The following ITGA1 variants were observed in gnomAD, a reference collection of about 807,000 sequenced individuals.
ITGA1 encodes the protein integrin subunit alpha 1.
A neutral mutation model predicts 145.9 loss-of-function variants in ITGA1; 85 were observed. The ratio of observed to expected loss-of-function variants is 0.58; its 90% confidence interval spans 0.49 to 0.70. The LOEUF is 0.70. Ranked by LOEUF, ITGA1 falls within the 30% of genes least tolerant of loss-of-function variation. The pLI, the probability that ITGA1 is intolerant of heterozygous loss-of-function variation, is 0.00. For synonymous variants in ITGA1, 520 were observed against 495.3 expected, an observed-to-expected ratio of 1.05 and a Z score of -0.66; for missense variants, 1,351 against 1,418.7, an observed-to-expected ratio of 0.95 and a Z score of 0.77.
In ITGA1 at chr5:52,814,738, A is replaced by G. The variant is rs79743638; in HGVS notation, c.61+26324A>G. 0.018 allele frequency among the ~76,000 whole-genome samples: 2,710 copies of G among 151,958 alleles called. 120 individuals carry two copies. The East Asian group carries it at 0.21, about 12-fold the overall frequency. The stretch of plus-strand genomic sequence containing the variant: ...ACCTTCTGAGAGGTATTAAAAAAAA[A>G]GGGGGGGAAAGAAAAAGAATCAGTC... On this transcript the variant is annotated intron_variant, in intron 1 of 28. Coordinates refer to ENST00000282588, the MANE Select transcript of ITGA1 (RefSeq NM_181501.2).
chr5:52,897,625 GTTCA>G, intron 10 of ITGA1, 97 bp downstream of exon 10: 2 of 778,966 alleles, frequency 2.6e-6, no homozygotes, highest in Non-Finnish European at 4.5e-6. Flanking sequence ...GCAACGTGCA[GTTCA>G]TAGCTTGAAC....
chr5:52,861,400 CT>C, intron 2 of ITGA1, 46 bp from the exon 3 acceptor site: 1 of 1,133,780 alleles, frequency 8.8e-7, no homozygotes, highest in South Asian at 1.3e-5. Flanking sequence ...CTCATATAAA[CT>C]GTTTCTCAAT....
At chr5:52,949,308 A>G (rs9292000) in intron 28 of ITGA1, among the ~76,000 whole-genome samples, 83,561 of 151,922 alleles carry the variant, frequency 0.55, 23,292 homozygotes, top group Middle Eastern at 0.61. Flanking sequence ...TTTTAAGTGA[A>G]GAACATAAAA....
At chr5:52,912,629 G>C (rs1408197830) in intron 14 of ITGA1, among the ~76,000 whole-genome samples, 1 of 136,830 alleles carries the variant, frequency 7.3e-6, no homozygotes, top group East Asian at 2.2e-4. Context: ...ATTATATATA[G>C]TGTATCTATA....
chr5:52,938,283 T>A (rs1205592708), intron 24 of ITGA1, among the ~76,000 whole-genome samples: 4 of 152,126 alleles, frequency 2.6e-5, no homozygotes, highest in Non-Finnish European at 5.9e-5. Context: ...ACATCCCAAA[T>A]AATAGCAATA....
At chr5:52,877,511 C>G (rs774889230) in intron 6 of ITGA1, among the ~76,000 whole-genome samples, 2 of 152,192 alleles carry the variant, frequency 1.3e-5, no homozygotes, top group Non-Finnish European at 1.5e-5. Context: ...TGGCAACAAC[C>G]AGGAGTTACT....
rs571461476 is a variant in ITGA1, at chr5:52,848,781, G to T, written c.62-584G>T. ...TGTGATGTTCCCCTTCCTGTGTCCA[G>T]GTGTTCTCATTGTTCAATTCCCACC... On this transcript the variant is annotated intron_variant, in intron 1 of 28. Transcript: ENST00000282588. Among the ~76,000 whole-genome samples the T allele has an allele frequency of 1.4e-3, 205 of 145,504 alleles. 2 individuals carry two copies. The highest frequency in any genetic ancestry group is 5.0e-3 in the African/African-American group (197 of 39,042).
rs149918650 is a variant in ITGA1, at chr5:52,942,243, G to A, written c.3285+2299G>A. Among the ~76,000 whole-genome samples, 186 of 152,256 alleles carry A rather than the reference G, an allele frequency of 1.2e-3. 1 individual carries two copies. The highest frequency in any genetic ancestry group is 4.2e-3 in the African/African-American group (173 of 41,554). On this transcript the variant is annotated intron_variant, in intron 26 of 28. Transcript: ENST00000282588. ...GGCTTTGTTCTTTTTACTTAGGATTGCTTTGGCTACCTGAGCTCTTTTTTT... is the reference window on the plus strand; with the variant it reads ...GGCTTTGTTCTTTTTACTTAGGATTACTTTGGCTACCTGAGCTCTTTTTTT...
chr5:52,950,982 G>A (rs1187468109), intron 28 of ITGA1, among the ~76,000 whole-genome samples: 6 of 152,038 alleles, frequency 3.9e-5, no homozygotes, highest in Non-Finnish European at 7.4e-5. Context: ...CTGGCATTTG[G>A]GGAAGAAAAA....
intron 9 of ITGA1, among the ~76,000 whole-genome samples, chr5:52,894,182 C>T (rs1372478648): frequency 6.6e-6 from 1 of 152,066 alleles, no homozygotes; most frequent in East Asian, 1.9e-4. Flanking sequence ...GAGGGTACTA[C>T]CTCTGGTTTG....
chr5:52,826,613 T>G (rs1267222088), intron 1 of ITGA1, among the ~76,000 whole-genome samples: 1 of 152,188 alleles, frequency 6.6e-6, no homozygotes, highest in African/African-American at 2.4e-5. Flanking sequence ...CTAACTCTTC[T>G]TAGGGGCTAA....
intron 20 of ITGA1, among the ~76,000 whole-genome samples, chr5:52,927,927 A>T (rs1750836582): frequency 6.6e-6 from 1 of 152,110 alleles, no homozygotes; most frequent in East Asian, 1.9e-4. Flanking sequence ...TGGAGCCCCC[A>T]TGAGGGATTA....
Position 52,918,834 on chromosome 5 carries a change from C to T in ITGA1, c.2091C>T (p.Cys697=), listed in dbSNP as rs141814461. The T allele has an allele frequency of 2.5e-4, 409 of 1,612,416 alleles. 2 individuals carry two copies. The highest frequency in any genetic ancestry group is 2.0e-3 in the Admixed American group (120 of 59,802). Residue 697 remains cysteine (C), a synonymous_variant, in exon 16 of 29, where the codon TGC becomes TGT. Coordinates refer to ENST00000282588, the MANE Select transcript of ITGA1 (RefSeq NM_181501.2). ...ATATGGAGGGAAAGGAAACAGTATG[C>T]ATAAATGCTACAGTGTGTTTTGATG... is the stretch of plus-strand genomic sequence containing the variant. ...NCHMEGKETV[C]INATVCFDVK...
chr5:52,803,327 AG>A lies in ITGA1; in HGVS notation c.61+14914del, dbSNP rs1748526175. On this transcript the variant is annotated intron_variant, in intron 1 of 28. Coordinates refer to ENST00000282588, the MANE Select transcript of ITGA1 (RefSeq NM_181501.2). ...ATTGTCATTTCATTATAATTCCGTGAGTATCTTTAAATTACTATCAAATATG... is the reference window on the plus strand; with the variant it reads ...ATTGTCATTTCATTATAATTCCGTGATATCTTTAAATTACTATCAAATATG... 3.8e-5 allele frequency: 3 copies of A among 79,314 alleles called. No homozygotes were observed. The Admixed American group carries it at 5.0e-4, about 13-fold the overall frequency. 4.9% of individuals were successfully genotyped at this position (79,314 alleles called of 1,614,324 possible). A position where few individuals can be genotyped will look rare whatever the true frequency, so the allele number is the denominator to read the frequency against.
chr5:52,812,789 CTTTTTTTTTTTTT>C (rs61600951), intron 1 of ITGA1, among the ~76,000 whole-genome samples: 8 of 86,138 alleles, frequency 9.3e-5, no homozygotes, highest in South Asian at 4.7e-4. Flanking sequence ...CTTCTTATCG[CTTTTTTTTTTTTT>C]TTTTTTTTTT....
In ITGA1 at chr5:52,911,406, T is replaced by A. The variant is rs184002137; in HGVS notation, c.1857+987T>A. ...GTATATATAGTGTATATATAGTATA[T>A]AGTGTATATACACTATATAGATACT... On this transcript the variant is annotated intron_variant, in intron 14 of 28. Coordinates refer to ENST00000282588, the MANE Select transcript of ITGA1 (RefSeq NM_181501.2). Among the ~76,000 whole-genome samples the A allele has an allele frequency of 1.1e-3, 150 of 134,208 alleles. 1 individual carries two copies. Among genetic ancestry groups the A allele is most frequent in the Middle Eastern group, 0.023 (2 of 86 alleles). 88.0% of individuals were successfully genotyped at this position (134,208 alleles called of 152,430 possible).
At chr5:52,852,769 C>T (rs983301739) in intron 2 of ITGA1, among the ~76,000 whole-genome samples, 1 of 152,078 alleles carries the variant, frequency 6.6e-6, no homozygotes, top group Non-Finnish European at 1.5e-5. Context: ...GGCACTACCC[C>T]ACATCTAGCA....
At chr5:52,811,139 A>G (rs1319447083) in intron 1 of ITGA1, among the ~76,000 whole-genome samples, 1 of 152,216 alleles carries the variant, frequency 6.6e-6, no homozygotes, top group Non-Finnish European at 1.5e-5. Flanking sequence ...AACATTTGCA[A>G]GAACATTGCA....
intron 12 of ITGA1, 91 bp downstream of exon 12, chr5:52,905,999 AC>A: frequency 9.0e-7 from 1 of 1,115,994 alleles, no homozygotes; most frequent in Non-Finnish European, 1.3e-6. Context: ...AAAATGCAAT[AC>A]CCACATATTC....
Sources: gnomAD v4.1 joint callset for allele counts (sites outside exome capture counted in the v4.1 genomes callset) on GRCh38, gnomAD v4.1.1 for gene constraint, MANE v1.5 for transcripts, NCBI Gene and HGNC (gene_info 2026-07-23, HGNC 2026-07-21) for gene names.